EIF2AK2: variants seen among roughly 807,000 people sequenced by gnomAD.
EIF2AK2 encodes the protein interferon-induced, double-stranded RNA-activated protein kinase.
EIF2AK2 carries 40 observed loss-of-function variants against 70.5 expected under a neutral mutation model. The observed-to-expected ratio is 0.57, with a 90% CI of 0.44 to 0.74. The LOEUF (loss-of-function observed/expected upper bound fraction) is 0.74. Among genes scored for constraint, EIF2AK2 ranks in the 30% least tolerant of loss-of-function variants. The probability of loss-of-function intolerance (pLI) is 0.00; values close to 1 mark genes in which losing one functional copy is unlikely to be tolerated. For synonymous variants in EIF2AK2, 198 were observed against 220.9 expected (o/e 0.90, Z 0.92); for missense variants, 555 against 644.3 (o/e 0.86, Z 1.50).
intron 12 of EIF2AK2, among the ~76,000 whole-genome samples, chr2:37,121,075 A>T (rs556984394): frequency 6.7e-6 from 1 of 149,006 alleles, no homozygotes; most frequent in East Asian, 1.9e-4. Flanking sequence ...CATCCTGGCT[A>T]ACACGGTGAA....
At chr2:37,144,276 C>A (rs969737494) in intron 4 of EIF2AK2, among the ~76,000 whole-genome samples, 1 of 145,308 alleles carries the variant, frequency 6.9e-6, no homozygotes, top group African/African-American at 2.5e-5. Flanking sequence ...ATGTATAGTA[C>A]ATAATACTGG....
intron 12 of EIF2AK2, among the ~76,000 whole-genome samples, chr2:37,121,370 G>C (rs1025653839): frequency 6.0e-5 from 9 of 150,126 alleles, no homozygotes; most frequent in Non-Finnish European, 1.0e-4. Context: ...ATAGGAACAT[G>C]AATACAATGC....
intron 9 of EIF2AK2, 38 bp from the exon 10 acceptor site, chr2:37,135,584 T>C: frequency 1.3e-6 from 2 of 1,544,966 alleles, no homozygotes; most frequent in East Asian, 2.2e-5. Flanking sequence ...TCAAATAAAA[T>C]TGAAATCAAA....
At chr2:37,107,657 A>C in intron 15 of EIF2AK2, 130 bp from the exon 16 acceptor site, 1 of 945,126 alleles carries the variant, frequency 1.1e-6, no homozygotes, top group Non-Finnish European at 1.6e-6. Flanking sequence ...TTAGCCAAGA[A>C]GCAAGCAGGA....
intron 11 of EIF2AK2, among the ~76,000 whole-genome samples, chr2:37,125,357 G>A (rs2888443): frequency 0.94 from 142,434 of 152,302 alleles, 67,371 homozygotes; most frequent in East Asian, 1. Context: ...ACAAATTACG[G>A]GGTAGGGCCT....
intron 1 of EIF2AK2, among the ~76,000 whole-genome samples, chr2:37,153,484 C>A (rs11894414): frequency 6.6e-6 from 1 of 151,510 alleles, no homozygotes; most frequent in Non-Finnish European, 1.5e-5. Flanking sequence ...GGACCATAGG[C>A]GTGGGCATGC....
chr2:37,147,656 T>A, intron 3 of EIF2AK2, 32 bp downstream of exon 3: 1 of 1,399,470 alleles, frequency 7.1e-7, no homozygotes. Context: ...TCATTTTTTA[T>A]GGCTGCCATA....
intron 2 of EIF2AK2, chr2:37,148,438 GC>G (rs1389947146): frequency 7.7e-6 from 3 of 390,810 alleles, no homozygotes; most frequent in Non-Finnish European, 1.4e-5. Context: ...CCTGCCGGAA[GC>G]CAGGCGGAGG....
In EIF2AK2 at chr2:37,104,747, A is replaced by G. The variant is rs1422497407; in HGVS notation, c.*2526T>C. ...ACTTTTTGAGAAGCCCAAGTCAATCATCTTATAGAATGACTACATTCAGGA... is the reference window on the plus strand; with the variant it reads ...ACTTTTTGAGAAGCCCAAGTCAATCGTCTTATAGAATGACTACATTCAGGA... On this transcript the variant is annotated 3_prime_UTR_variant, in exon 17 of 17. Transcript: ENST00000233057. 1 of 150,420 alleles carries G rather than the reference A, an allele frequency of 6.6e-6. No individual in the cohort carries two copies. The highest frequency in any genetic ancestry group is 1.5e-5 in the Non-Finnish European group (1 of 67,816). 9.3% of individuals were successfully genotyped at this position (150,420 alleles called of 1,614,324 possible).
chr2:37,111,881 ATATATATATATATAT>A (rs1674168073), intron 14 of EIF2AK2, among the ~76,000 whole-genome samples: 15 of 44,368 alleles, frequency 3.4e-4, no homozygotes, highest in Admixed American at 4.3e-4. Flanking sequence ...AAAAAAAAAT[ATATATATATATATAT>A]ATATATATAT....
intron 2 of EIF2AK2, 89 bp from the exon 3 acceptor site, chr2:37,147,911 G>T: frequency 1.2e-6 from 1 of 802,886 alleles, no homozygotes; most frequent in Non-Finnish European, 2.0e-6. Context: ...CAGAGGGGTT[G>T]GGGAGACTCC....
At chr2:37,142,920 C>G (rs1675384022) in intron 4 of EIF2AK2, among the ~76,000 whole-genome samples, 1 of 152,088 alleles carries the variant, frequency 6.6e-6, no homozygotes. Context: ...CTCTGGAGCA[C>G]AGTACTTTCA....
chr2:37,137,927 A>G (rs4648188), intron 8 of EIF2AK2, among the ~76,000 whole-genome samples: 10,699 of 152,186 alleles, frequency 0.07, 541 homozygotes, highest in Non-Finnish European at 0.097. Flanking sequence ...CCTGAACAAC[A>G]TGGTGAAACC....
chr2:37,130,111 A>T (rs1368970909), intron 10 of EIF2AK2, among the ~76,000 whole-genome samples: 3 of 142,224 alleles, frequency 2.1e-5, no homozygotes, highest in Non-Finnish European at 4.8e-5. Context: ...ATTTTATTTT[A>T]TTTTTTTGAG....
chr2:37,123,689 T>A (rs1443530796), intron 11 of EIF2AK2, among the ~76,000 whole-genome samples: 1 of 152,214 alleles, frequency 6.6e-6, no homozygotes, highest in Non-Finnish European at 1.5e-5. Context: ...CAGTGTGAAG[T>A]ACCTAATTCA....
chr2:37,105,024 C>T lies in EIF2AK2; in HGVS notation c.*2249G>A, dbSNP rs946369383. On this transcript the variant is annotated 3_prime_UTR_variant, in exon 17 of 17. Transcript: ENST00000233057. ...AAGATCCTATTCCACAATAGCTTTT[C>T]ATCCAATAGTTTTAGCATCTATTGA... is the stretch of plus-strand genomic sequence containing the variant. 2 of 152,196 alleles carry T rather than the reference C, an allele frequency of 1.3e-5. No homozygotes were observed. Among genetic ancestry groups the T allele is most frequent in the African/African-American group, 2.4e-5 (1 of 41,444 alleles). The allele number at this position is 152,196 out of a possible 1,614,324, so 9.4% of individuals were successfully genotyped here. A position where few individuals can be genotyped will look rare whatever the true frequency, so the allele number is the denominator to read the frequency against.
intron 7 of EIF2AK2, 42 bp downstream of exon 7, chr2:37,138,467 A>C: frequency 6.2e-7 from 1 of 1,606,756 alleles, no homozygotes; most frequent in Non-Finnish European, 8.5e-7. Context: ...TCAGACAGAA[A>C]TATGAATATG....
At chr2:37,141,517 C>T (rs1017374114) in intron 5 of EIF2AK2, 36 bp downstream of exon 5, 1 of 1,601,846 alleles carries the variant, frequency 6.2e-7, no homozygotes, top group Non-Finnish European at 8.5e-7. Flanking sequence ...TGCTTAAATA[C>T]AATGAAACAG....
chr2:37,113,037 G>A (rs967946682), intron 14 of EIF2AK2, among the ~76,000 whole-genome samples: 3 of 152,060 alleles, frequency 2.0e-5, no homozygotes, highest in African/African-American at 7.2e-5. Context: ...TATTCACACG[G>A]GGAAAATCAA....
Sources: gnomAD v4.1 joint callset for allele counts (sites outside exome capture counted in the v4.1 genomes callset) on GRCh38, gnomAD v4.1.1 for gene constraint, MANE v1.5 for transcripts, NCBI Gene and HGNC (gene_info 2026-07-23, HGNC 2026-07-21) for gene names.